Variants in IBTK observed in about 807,000 individuals in gnomAD.
IBTK encodes inhibitor of Bruton tyrosine kinase.
A neutral mutation model predicts 154.9 loss-of-function variants in IBTK; 83 were observed. That is an observed-to-expected ratio of 0.54 (90% CI 0.45 to 0.64). The LOEUF (loss-of-function observed/expected upper bound fraction) is 0.64. Among genes scored for constraint, IBTK ranks in the 30% least tolerant of loss-of-function variants. IBTK has a pLI of 0.00. For synonymous variants in IBTK, 515 were observed against 536.1 expected (o/e 0.96, Z 0.54); for missense variants, 1,332 against 1,584.6 (o/e 0.84, Z 2.71).
chr6:82,206,536 T>G (rs377170535), intron 16 of IBTK, among the ~76,000 whole-genome samples: 10 of 152,256 alleles, frequency 6.6e-5, no homozygotes, highest in Admixed American at 4.6e-4. Context: ...ACAAGATAAA[T>G]TGATACAATT....
chr6:82,226,957 C>T (rs117381760), intron 5 of IBTK, among the ~76,000 whole-genome samples: 2,128 of 152,216 alleles, frequency 0.014, 21 homozygotes, highest in Middle Eastern at 0.044. Context: ...GCTTATGTAA[C>T]GCTCCTGACT....
intron 8 of IBTK, among the ~76,000 whole-genome samples, chr6:82,221,105 T>C (rs1404881694): frequency 6.6e-6 from 1 of 152,140 alleles, no homozygotes; most frequent in East Asian, 1.9e-4. Flanking sequence ...GGCCGGTGGA[T>C]CATTTGAGGC....
intron 9 of IBTK, among the ~76,000 whole-genome samples, chr6:82,220,259 G>A (rs1243710204): frequency 2.0e-5 from 3 of 151,946 alleles, no homozygotes; most frequent in Non-Finnish European, 4.4e-5. Flanking sequence ...TTATATTTAC[G>A]CAATTCAGTG....
At chr6:82,201,065 T>C (rs1025197856) in intron 19 of IBTK, among the ~76,000 whole-genome samples, 5 of 152,156 alleles carry the variant, frequency 3.3e-5, no homozygotes, top group Admixed American at 1.3e-4. Flanking sequence ...AAAAGGAAAC[T>C]TGAGAAAAAG....
chr6:82,224,436 A>T, intron 6 of IBTK, among the ~76,000 whole-genome samples: 1 of 152,350 alleles, frequency 6.6e-6, no homozygotes, highest in East Asian at 1.9e-4. Flanking sequence ...ATGGTGTAAG[A>T]ATCAAATTAT....
intron 16 of IBTK, among the ~76,000 whole-genome samples, chr6:82,207,377 C>T (rs1769454906): frequency 6.6e-6 from 1 of 151,904 alleles, no homozygotes; most frequent in African/African-American, 2.4e-5. Flanking sequence ...TAAGAAAGAG[C>T]AAGGCTTGTA....
chr6:82,191,824 T>A lies in IBTK; in HGVS notation c.3394A>T (p.Arg1132Ter), dbSNP rs199572401. The A allele has an allele frequency of 6.2e-7, 1 of 1,611,512 alleles. No homozygotes were observed. Among genetic ancestry groups the A allele is most frequent in the Non-Finnish European group, 8.5e-7 (1 of 1,177,770 alleles). ...LRTIMEIEES[R>*]QKCGATPKSH... is the part of the protein sequence containing the mutation. ...TTTGGTGTAGCTCCACATTTTTGTC[T>A]ACTTTCTTCTATTTCCATGATAGTT... Residue 1132 changes from arginine to a stop codon, truncating the protein, a stop_gained, in exon 24 of 29, where the codon AGA (arginine) becomes TGA (stop). Coordinates refer to ENST00000306270, the MANE Select transcript of IBTK (RefSeq NM_015525.4). LOFTEE classifies it high-confidence loss of function.
At chr6:82,174,336 T>C (rs1768032363) in intron 26 of IBTK, among the ~76,000 whole-genome samples, 1 of 152,076 alleles carries the variant, frequency 6.6e-6, no homozygotes, top group African/African-American at 2.4e-5. Context: ...GATTTAAAAA[T>C]ATACTTAAGC....
At chr6:82,174,590 G>A (rs972881541) in intron 26 of IBTK, among the ~76,000 whole-genome samples, 6 of 152,184 alleles carry the variant, frequency 3.9e-5, no homozygotes, top group Non-Finnish European at 7.4e-5. Context: ...GAAACTTAAA[G>A]AGAAATAAAG....
chr6:82,188,557 T>TA (rs1768638502), intron 25 of IBTK, among the ~76,000 whole-genome samples: 1 of 152,130 alleles, frequency 6.6e-6, no homozygotes, highest in Admixed American at 6.6e-5. Context: ...GTTGGGTATA[T>TA]ACTAAAGAGT....
intron 4 of IBTK, among the ~76,000 whole-genome samples, chr6:82,228,269 T>TC (rs1190486038): frequency 6.6e-6 from 1 of 152,000 alleles, no homozygotes; most frequent in Non-Finnish European, 1.5e-5. Flanking sequence ...AAAGTCAAGG[T>TC]CCTTTGGAAA....
At chr6:82,211,284 T>C in intron 15 of IBTK, 83 bp downstream of exon 15, 3 of 1,091,786 alleles carry the variant, frequency 2.7e-6, no homozygotes. Context: ...CCAGTTCTGA[T>C]TTTGAATTTC....
intron 2 of IBTK, among the ~76,000 whole-genome samples, chr6:82,235,545 G>A (rs1474870387): frequency 1.3e-5 from 2 of 152,018 alleles, no homozygotes; most frequent in Non-Finnish European, 2.9e-5. Context: ...AGTGAACCGA[G>A]ATCGCGCCAC....
At chr6:82,244,139 C>CT (rs1771057440) in intron 1 of IBTK, among the ~76,000 whole-genome samples, 2 of 152,160 alleles carry the variant, frequency 1.3e-5, no homozygotes, top group South Asian at 4.1e-4. Context: ...CACATGGTTA[C>CT]TATAATGATA....
intron 21 of IBTK, among the ~76,000 whole-genome samples, chr6:82,199,759 C>T (rs1283484322): frequency 6.6e-6 from 1 of 152,130 alleles, no homozygotes; most frequent in African/African-American, 2.4e-5. Flanking sequence ...ATATAAGAGC[C>T]TCCAAAATCT....
intron 16 of IBTK, among the ~76,000 whole-genome samples, chr6:82,207,316 T>G (rs1769451385): frequency 6.6e-6 from 1 of 151,952 alleles, no homozygotes; most frequent in African/African-American, 2.4e-5. Context: ...AAAATAAAAT[T>G]AAAAAAATTT....
At chr6:82,210,669 TA>T (rs968627266) in intron 16 of IBTK, 144 bp downstream of exon 16, 1 of 281,508 alleles carries the variant, frequency 3.6e-6, no homozygotes, top group Non-Finnish European at 6.6e-6. Flanking sequence ...CCATAAATAA[TA>T]AAAAATAAAT....
At chr6:82,188,462 TAG>T (rs1768635450) in intron 25 of IBTK, among the ~76,000 whole-genome samples, 2 of 152,328 alleles carry the variant, frequency 1.3e-5, no homozygotes, top group South Asian at 2.1e-4. Flanking sequence ...GATAGACATC[TAG>T]ATTGTTTTCA....
At chr6:82,178,463 T>C (rs1768196096) in intron 26 of IBTK, among the ~76,000 whole-genome samples, 1 of 152,166 alleles carries the variant, frequency 6.6e-6, no homozygotes, top group South Asian at 2.1e-4. Flanking sequence ...AGACATGCAA[T>C]ATAACTCACT....
Sources: allele counts gnomAD v4.1 joint callset (sites outside exome capture counted in the v4.1 genomes callset), GRCh38; gene constraint gnomAD v4.1.1; transcripts MANE v1.5; gene names NCBI Gene and HGNC (gene_info 2026-07-23, HGNC 2026-07-21).